NDUFAF6: variants seen among roughly 807,000 people sequenced by gnomAD.
NDUFAF6 encodes the protein NADH:ubiquinone oxidoreductase complex assembly factor 6.
In NDUFAF6, 45 loss-of-function variants were observed where a neutral mutation model predicts 40.8. The observed-to-expected ratio is 1.10, with a 90% CI of 0.87 to 1.42. NDUFAF6 has a LOEUF of 1.42. Ranked by LOEUF, NDUFAF6 falls within the 40% of genes most tolerant of loss-of-function variation. The probability of loss-of-function intolerance (pLI) is 0.00; values close to 1 mark genes in which losing one functional copy is unlikely to be tolerated. For synonymous variants in NDUFAF6, 185 were observed against 155.9 expected, an observed-to-expected ratio of 1.19 and a Z score of -1.39; for missense variants, 435 against 418.5, an observed-to-expected ratio of 1.04 and a Z score of -0.34.
At chr8:94,976,931 G>A (rs1003308784) in intron 1 of NDUFAF6, among the ~76,000 whole-genome samples, 12 of 151,680 alleles carry the variant, frequency 7.9e-5, no homozygotes, top group Non-Finnish European at 1.5e-4. Flanking sequence ...CAGGCGGATC[G>A]CTTGAGTCCA....
chr8:94,997,867 T>C (rs953141339), intron 2 of NDUFAF6, among the ~76,000 whole-genome samples: 5 of 152,240 alleles, frequency 3.3e-5, no homozygotes, highest in African/African-American at 4.8e-5. Context: ...GATTGTCCTT[T>C]GTTACAATTG....
At chr8:94,931,895 C>A (rs3021403) in intron 1 of NDUFAF6, among the ~76,000 whole-genome samples, 1 of 152,118 alleles carries the variant, frequency 6.6e-6, no homozygotes, top group African/African-American at 2.4e-5. Context: ...TCACTTGAAT[C>A]TGGGGGGTGG....
At chr8:94,996,545 A>G (rs1461153239) in intron 2 of NDUFAF6, among the ~76,000 whole-genome samples, 3 of 152,198 alleles carry the variant, frequency 2.0e-5, no homozygotes, top group African/African-American at 7.2e-5. Context: ...ATAATTGGAT[A>G]GTTGATCTTG....
At chr8:94,972,709 A>G (rs968812273) in intron 1 of NDUFAF6, among the ~76,000 whole-genome samples, 48 of 143,628 alleles carry the variant, frequency 3.3e-4, no homozygotes, top group African/African-American at 1.1e-3. Flanking sequence ...TGGGCAACGT[A>G]GCAAGACCCT....
At chr8:94,960,979 G>A (rs1823520642) in intron 1 of NDUFAF6, among the ~76,000 whole-genome samples, 1 of 152,158 alleles carries the variant, frequency 6.6e-6, no homozygotes, top group Non-Finnish European at 1.5e-5. Context: ...AACATCTTGT[G>A]AGAGACCAAA....
intron 1 of NDUFAF6, among the ~76,000 whole-genome samples, chr8:94,944,788 T>C (rs1402184209): frequency 6.6e-6 from 1 of 152,206 alleles, no homozygotes; most frequent in African/African-American, 2.4e-5. Context: ...GGAGCTAAAT[T>C]GGCCCTTCTG....
At chr8:94,931,489 G>A (rs1006150544) in intron 1 of NDUFAF6, among the ~76,000 whole-genome samples, 5 of 152,146 alleles carry the variant, frequency 3.3e-5, no homozygotes, top group African/African-American at 9.6e-5. Flanking sequence ...ATGTCAACAC[G>A]TAACATGAAG....
intron 2 of NDUFAF6, among the ~76,000 whole-genome samples, chr8:94,987,111 C>T (rs1288397747): frequency 6.6e-6 from 1 of 152,188 alleles, no homozygotes; most frequent in Non-Finnish European, 1.5e-5. Context: ...CCCAGAAGTA[C>T]AGACTATCCA....
downstream of NDUFAF6, among the ~76,000 whole-genome samples, chr8:95,106,449 A>G (rs1382588873): frequency 6.6e-6 from 1 of 152,150 alleles, no homozygotes; most frequent in Non-Finnish European, 1.5e-5. Context: ...CTGAAACTGG[A>G]CCCCTTCCTT....
intron 4 of NDUFAF6, among the ~76,000 whole-genome samples, chr8:95,110,219 C>T (rs1183135679): frequency 6.6e-6 from 1 of 152,200 alleles, no homozygotes; most frequent in Non-Finnish European, 1.5e-5. Flanking sequence ...TTTAATTCTA[C>T]AGCTGTGATC....
chr8:95,092,473 C>T (rs1809287595), intron 2 of NDUFAF6, among the ~76,000 whole-genome samples: 1 of 152,090 alleles, frequency 6.6e-6, no homozygotes, highest in Non-Finnish European at 1.5e-5. Flanking sequence ...TGAGCCACCT[C>T]ACCTGGCCCC....
At chr8:94,953,360 A>AC (rs1822793896), upstream of NDUFAF6, among the ~76,000 whole-genome samples, 2 of 151,794 alleles carry the variant, frequency 1.3e-5, no homozygotes, top group Admixed American at 1.3e-4. Context: ...AAAAAAAAAA[A>AC]CAAAAAAAAA....
chr8:95,052,403 G>A (rs1587161285), intron 8 of NDUFAF6, among the ~76,000 whole-genome samples, 173 bp downstream of exon 8: 1 of 152,128 alleles, frequency 6.6e-6, no homozygotes, highest in Non-Finnish European at 1.5e-5. Flanking sequence ...GGCCATTTCT[G>A]TATTTCTCAG....
In NDUFAF6 at chr8:94,907,125, A is replaced by T. The variant is rs190480333; in HGVS notation, c.-936+11198A>T. On this transcript the variant is annotated intron_variant, in intron 1 of 14. Transcript: ENST00000396113. ...AGTGTGGCCAGCACAAAACAGTCTC[A>T]CAAGAGCTGCATCTTTCTCTCCTGC... 3.3e-3 allele frequency among the ~76,000 whole-genome samples: 509 copies of T among 152,326 alleles called. 6 individuals are homozygous for T. Among genetic ancestry groups the T allele is most frequent in the Middle Eastern group, 0.031 (9 of 294 alleles).
intron 2 of NDUFAF6, among the ~76,000 whole-genome samples, chr8:95,090,549 A>G (rs1809214540): frequency 6.6e-6 from 1 of 152,080 alleles, no homozygotes; most frequent in African/African-American, 2.4e-5. Context: ...CTTCAGATAA[A>G]GTTGAGTCAT....
At chr8:95,058,724 G>A (rs1832478315), downstream of NDUFAF6, 2 of 997,284 alleles carry the variant, frequency 2.0e-6, no homozygotes, top group Admixed American at 6.0e-5. Flanking sequence ...TGTACATTCT[G>A]CGCTATACAT....
chr8:95,072,746 A>G (rs1284612701), intron 9 of NDUFAF6: 2 of 153,220 alleles, frequency 1.3e-5, no homozygotes, highest in Admixed American at 6.5e-5. Flanking sequence ...TGGTGGTGCA[A>G]GCCACTGCTT....
chr8:94,906,386 C>T (rs757672141), intron 1 of NDUFAF6, among the ~76,000 whole-genome samples: 12 of 152,128 alleles, frequency 7.9e-5, no homozygotes, highest in Non-Finnish European at 1.6e-4. Context: ...TTGTGGTGAC[C>T]CCATATGTAT....
downstream of NDUFAF6, among the ~76,000 whole-genome samples, chr8:95,077,974 C>A (rs1808686758): frequency 6.6e-6 from 1 of 151,666 alleles, no homozygotes; most frequent in African/African-American, 2.4e-5. Context: ...GTAGATGGAG[C>A]CAGCAGCAGG....
Sources: gnomAD v4.1 joint callset for allele counts (sites outside exome capture counted in the v4.1 genomes callset) on GRCh38, gnomAD v4.1.1 for gene constraint, MANE v1.5 for transcripts, NCBI Gene and HGNC (gene_info 2026-07-23, HGNC 2026-07-21) for gene names.